Variants in RAB39A observed in about 807,000 individuals in gnomAD.
RAB39A encodes the protein RAB39A, member RAS oncogene family, also known as ras-related protein Rab-39A.
In RAB39A, 17 loss-of-function variants were observed where a neutral mutation model predicts 20.9. The ratio of observed to expected loss-of-function variants is 0.81; its 90% CI spans 0.56 to 1.22. The LOEUF is 1.22. RAB39A is among the 50% of genes most tolerant of loss of function. The probability of loss-of-function intolerance (pLI) is 0.00; values close to 1 mark genes in which losing one functional copy is unlikely to be tolerated. For synonymous variants in RAB39A, 99 were observed against 103.4 expected (o/e 0.96, Z 0.26); for missense variants, 234 against 270.5 (o/e 0.87, Z 0.95).
At chr11:107,961,835 A>T in intron 1 of RAB39A, 111 bp from the exon 2 acceptor site, 1 of 861,500 alleles carries the variant, frequency 1.2e-6, no homozygotes, top group Non-Finnish European at 1.7e-6. Flanking sequence ...TATAAATTCT[A>T]GTTAAATCAT....
intron 1 of RAB39A, among the ~76,000 whole-genome samples, chr11:107,935,519 C>T (rs552110211): frequency 1.3e-5 from 2 of 151,930 alleles, no homozygotes; most frequent in Non-Finnish European, 2.9e-5. Context: ...GGACTACAGG[C>T]GCCTGCCACC....
At chr11:107,950,642 C>T (rs1015298748) in intron 1 of RAB39A, among the ~76,000 whole-genome samples, 1 of 151,820 alleles carries the variant, frequency 6.6e-6, no homozygotes, top group African/African-American at 2.4e-5. Context: ...TGGCAGGCGC[C>T]TGTAATCCCA....
intron 1 of RAB39A, among the ~76,000 whole-genome samples, chr11:107,931,062 C>T (rs1366645849): frequency 1.1e-4 from 17 of 151,154 alleles, no homozygotes; most frequent in African/African-American, 2.4e-4. Context: ...CTGCAAACTC[C>T]GCCTCCCAGG....
At chr11:107,947,166 A>G (rs1861327985) in intron 1 of RAB39A, among the ~76,000 whole-genome samples, 1 of 151,856 alleles carries the variant, frequency 6.6e-6, no homozygotes, top group Non-Finnish European at 1.5e-5. Flanking sequence ...CAGTGGCGTG[A>G]TCTCGGCTCA....
At chr11:107,945,318 C>CAAA (rs33940061) in intron 1 of RAB39A, among the ~76,000 whole-genome samples, 34 of 87,414 alleles carry the variant, frequency 3.9e-4, no homozygotes, top group Non-Finnish European at 4.1e-4. Context: ...CCCGTCTCTA[C>CAAA]AAAAAAAAAA....
At position 107,938,564 on chromosome 11, in the gene RAB39A, TA is replaced by T. The variant is rs5794580; in HGVS notation, c.227+9791del. On this transcript the variant is annotated intron_variant, in intron 1 of 1. Transcript: ENST00000320578. Reference sequence around the variant, plus strand: ...GGGCAACATAGTGAGACCTCGTCTATAAAAAAAAAAAAAAAAAAAAAATTAG... The same window carrying T: ...GGGCAACATAGTGAGACCTCGTCTATAAAAAAAAAAAAAAAAAAAAATTAG... 1.6e-3 allele frequency among the ~76,000 whole-genome samples: 156 copies of T among 95,228 alleles called. 1 individual carries two copies. Among genetic ancestry groups the T allele is most frequent in the African/African-American group, 6.2e-3 (147 of 23,702 alleles). The allele number at this position is 95,228 out of a possible 152,430, so 62.5% of individuals were successfully genotyped here.
At chr11:107,947,946 G>A (rs1425773678) in intron 1 of RAB39A, among the ~76,000 whole-genome samples, 2 of 150,200 alleles carry the variant, frequency 1.3e-5, no homozygotes, top group African/African-American at 2.5e-5. Flanking sequence ...TTTTAAGGAA[G>A]CTACTTGAAG....
At chr11:107,930,394 T>G (rs1486862718) in intron 1 of RAB39A, among the ~76,000 whole-genome samples, 2 of 152,198 alleles carry the variant, frequency 1.3e-5, no homozygotes, top group South Asian at 4.1e-4. Flanking sequence ...AGGTAAACTT[T>G]GCGATATATC....
intron 1 of RAB39A, among the ~76,000 whole-genome samples, chr11:107,933,818 A>C (rs567266119): frequency 6.6e-6 from 1 of 151,130 alleles, no homozygotes; most frequent in Non-Finnish European, 1.5e-5. Context: ...CCCAAGCTCA[A>C]CTAATTTTTG....
Position 107,962,165 on chromosome 11 carries a change from T to C in RAB39A, c.447T>C (p.Cys149=), listed in dbSNP as rs1861504180. The C allele has an allele frequency of 6.2e-7, 1 of 1,614,020 alleles. No individual in the cohort carries two copies. ...AAGCTGAAAAACTGTCAGCAGACTGTGGAATGAAGTATATAGAAACCTCAG... is the reference window on the plus strand; with the variant it reads ...AAGCTGAAAAACTGTCAGCAGACTGCGGAATGAAGTATATAGAAACCTCAG... ...REEAEKLSAD[C]GMKYIETSAK... The change falls in exon 2 of 2, where the codon TGT becomes TGC. Residue 149 remains cysteine (C), a synonymous_variant. Coordinates refer to ENST00000320578, the MANE Select transcript of RAB39A (RefSeq NM_017516.3).
chr11:107,938,483 A>G (rs1861222622), intron 1 of RAB39A, among the ~76,000 whole-genome samples: 1 of 148,370 alleles, frequency 6.7e-6, no homozygotes, highest in Non-Finnish European at 1.5e-5. Context: ...TAATCCCAAC[A>G]CTTTGAGAGG....
intron 1 of RAB39A, among the ~76,000 whole-genome samples, chr11:107,955,888 A>C (rs1861430327): frequency 6.6e-6 from 1 of 151,866 alleles, no homozygotes; most frequent in South Asian, 2.1e-4. Context: ...ACCAAGTATT[A>C]TGCATTTTTT....
chr11:107,956,550 T>G (rs1321472223), intron 1 of RAB39A, among the ~76,000 whole-genome samples: 2 of 152,208 alleles, frequency 1.3e-5, no homozygotes, highest in Non-Finnish European at 2.9e-5. Flanking sequence ...GTAAGAGGGT[T>G]AAAATGTGCC....
In RAB39A at chr11:107,928,667, C is replaced by T. The variant is rs1272264952; in HGVS notation, c.99C>T (p.Phe33=). ...CLLHRFTQGR[F]PGLRSPACDP... Reference sequence around the variant, plus strand: ...TGCACCGCTTCACCCAGGGCCGCTTCCCCGGGCTGCGCTCCCCCGCCTGCG... The same window carrying T: ...TGCACCGCTTCACCCAGGGCCGCTTTCCCGGGCTGCGCTCCCCCGCCTGCG... Residue 33 remains phenylalanine (F), a synonymous_variant, in exon 1 of 2, where the codon TTC becomes TTT. Coordinates refer to ENST00000320578, the MANE Select transcript of RAB39A (RefSeq NM_017516.3). The surrounding 1 kb of genome is among the most constrained non-coding windows in gnomAD (Gnocchi z 4.9). The T allele has an allele frequency of 6.2e-6, 10 of 1,612,524 alleles. No homozygotes were observed. Among genetic ancestry groups the T allele is most frequent in the African/African-American group, 1.3e-5 (1 of 75,038 alleles).
chr11:107,957,931 G>GA, intron 1 of RAB39A, among the ~76,000 whole-genome samples: 1 of 150,230 alleles, frequency 6.7e-6, no homozygotes, highest in South Asian at 2.1e-4. Context: ...AGTCTCTGTC[G>GA]CCCAGGCTGG....
intron 1 of RAB39A, among the ~76,000 whole-genome samples, chr11:107,935,438 G>A (rs1429821284): frequency 2.0e-5 from 3 of 150,654 alleles, no homozygotes; most frequent in South Asian, 2.1e-4. Context: ...GCAGTGGTGC[G>A]ATCTCGGCTC....
intron 1 of RAB39A, among the ~76,000 whole-genome samples, chr11:107,951,615 ATTTT>A (rs4028253): frequency 7.6e-5 from 8 of 105,700 alleles, no homozygotes; most frequent in East Asian, 2.8e-4. Context: ...CCATTTTCAG[ATTTT>A]TTTTTTTTTT....
intron 1 of RAB39A, among the ~76,000 whole-genome samples, chr11:107,946,730 T>C (rs1591245716): frequency 6.6e-6 from 1 of 151,218 alleles, no homozygotes; most frequent in African/African-American, 2.4e-5. Flanking sequence ...CACCTCGGCC[T>C]CCCAAGGTGC....
chr11:107,935,596 G>A (rs369668889), intron 1 of RAB39A, among the ~76,000 whole-genome samples: 92 of 152,006 alleles, frequency 6.1e-4, no homozygotes, highest in African/African-American at 2.1e-3. Context: ...GGCTTGTCTC[G>A]AACTCCTGAC....
Sources: gnomAD v4.1 joint callset for allele counts (sites outside exome capture counted in the v4.1 genomes callset) on GRCh38, gnomAD v4.1.1 for gene constraint, Gnocchi (gnomAD v3.1) non-coding constraint, MANE v1.5 for transcripts, NCBI Gene and HGNC (gene_info 2026-07-23, HGNC 2026-07-21) for gene names.